The following PLA2R1 variants were observed in gnomAD, a reference collection of about 807,000 sequenced individuals.
PLA2R1 encodes phospholipase A2 receptor 1.
Under a neutral mutation model 195.9 loss-of-function variants are expected in PLA2R1, and 158 were observed. The observed-to-expected ratio is 0.81, with a 90% CI of 0.71 to 0.92. The LOEUF is 0.92. Ranked by LOEUF, PLA2R1 falls within the 40% of genes least tolerant of loss-of-function variation. PLA2R1 has a pLI of 0.00. For synonymous variants in PLA2R1, 586 were observed against 598.2 expected, an observed-to-expected ratio of 0.98 and a Z score of 0.30; for missense variants, 1,626 against 1,764.6, an observed-to-expected ratio of 0.92 and a Z score of 1.41.
intron 10 of PLA2R1, among the ~76,000 whole-genome samples, 194 bp downstream of exon 10, chr2:160,013,069 T>A (rs1692473947): frequency 2.6e-5 from 4 of 152,212 alleles, no homozygotes; most frequent in Admixed American, 2.6e-4. Flanking sequence ...ATTTTATTAT[T>A]TATTACTCAA....
intron 12 of PLA2R1, among the ~76,000 whole-genome samples, chr2:159,985,882 G>A (rs1690290615): frequency 6.6e-6 from 1 of 152,058 alleles, no homozygotes; most frequent in African/African-American, 2.4e-5. Context: ...AGTGTACCAA[G>A]AGTGCAACGT....
At chr2:160,017,603 T>G (rs960858336) in intron 8 of PLA2R1, among the ~76,000 whole-genome samples, 1 of 152,220 alleles carries the variant, frequency 6.6e-6, no homozygotes, top group African/African-American at 2.4e-5. Flanking sequence ...CCTCTTTATA[T>G]GCTAGGCAGA....
intron 25 of PLA2R1, among the ~76,000 whole-genome samples, chr2:159,949,099 T>C (rs1687565772): frequency 6.6e-6 from 1 of 152,192 alleles, no homozygotes; most frequent in African/African-American, 2.4e-5. Context: ...TGGAATCCTA[T>C]CAATCTTTTA....
chr2:159,968,916 G>A (rs1253482762), intron 19 of PLA2R1, among the ~76,000 whole-genome samples: 1 of 152,150 alleles, frequency 6.6e-6, no homozygotes, highest in Non-Finnish European at 1.5e-5. Flanking sequence ...TTGGATATAG[G>A]AATAGATTTT....
intron 12 of PLA2R1, among the ~76,000 whole-genome samples, chr2:159,985,091 C>T (rs1477270962): frequency 6.6e-6 from 1 of 152,208 alleles, no homozygotes; most frequent in African/African-American, 2.4e-5. Context: ...AGAAAAGGCA[C>T]CAGACCAGAA....
chr2:159,964,727 T>C (rs1469280977), intron 20 of PLA2R1, among the ~76,000 whole-genome samples: 4 of 151,976 alleles, frequency 2.6e-5, no homozygotes, highest in Non-Finnish European at 4.4e-5. Context: ...AATTATTAAA[T>C]ACTTCATTTT....
In PLA2R1 at chr2:160,039,367, C is replaced by CTG. The variant is rs1319538084; in HGVS notation, c.667+2656_667+2657dup. Among the ~76,000 whole-genome samples the CTG allele has an allele frequency of 7.9e-5, 12 of 152,260 alleles. No individual in the cohort carries two copies. The South Asian group carries it at 1.7e-3, about 21-fold the overall frequency. ...CCTCTAAACAAACCCAGAGAGATTCCTGTGTGTCATCCTTTTTGCTGAAGA... is the reference window on the plus strand; with the variant it reads ...CCTCTAAACAAACCCAGAGAGATTCCTGTGTGTGTCATCCTTTTTGCTGAAGA... On this transcript the variant is annotated intron_variant, in intron 3 of 29. Transcript: ENST00000283243.
At position 160,031,393 on chromosome 2, in the gene PLA2R1, G is replaced by A. The variant is rs1047751642; in HGVS notation, c.841+1566C>T. The stretch of plus-strand genomic sequence containing the variant: ...GATGTAGATCTATATTTACAGATAC[G>A]GGCAAATGTTCATTAAATGCAGGTA... On this transcript the variant is annotated intron_variant, in intron 4 of 29. Coordinates refer to ENST00000283243, the MANE Select transcript of PLA2R1 (RefSeq NM_007366.5). Among the ~76,000 whole-genome samples the A allele has an allele frequency of 2.6e-5, 4 of 151,502 alleles. No homozygotes were observed. The South Asian group carries it at 8.4e-4, about 32-fold the overall frequency.
At position 159,983,944 on chromosome 2, in the gene PLA2R1, G is replaced by T; in HGVS notation, c.2167C>A (p.His723Asn). 5.7e-6 allele frequency: 9 copies of T among 1,579,818 alleles called. No individual in the cohort carries two copies. Among genetic ancestry groups the T allele is most frequent in the South Asian group, 1.1e-5 (1 of 88,984 alleles). ...AGTATTTACCAATTAAATTTTGAAT[G>T]TAAGAGCTCATTCACAAAATTCTCT... The part of the protein sequence containing the change: ...EEENFVNELL[H>N]SKFNWTEERQ... The change falls in exon 13 of 30, where the codon CAT (histidine) becomes AAT (asparagine). Residue 723 changes from histidine to asparagine, a missense_variant. By Grantham distance (68) the His-to-Asn change is moderately conservative. Coordinates refer to ENST00000283243, the MANE Select transcript of PLA2R1 (RefSeq NM_007366.5).
chr2:159,926,021 A>G, the PLA2R1 span, among the ~76,000 whole-genome samples: 1 of 152,194 alleles, frequency 6.6e-6, no homozygotes, highest in Admixed American at 6.5e-5. Flanking sequence ...TACTCTATGA[A>G]TTAATACTTC....
chr2:160,036,916 T>C (rs1461359070), intron 3 of PLA2R1, among the ~76,000 whole-genome samples: 1 of 152,224 alleles, frequency 6.6e-6, no homozygotes, highest in African/African-American at 2.4e-5. Flanking sequence ...TGGCGAATTC[T>C]TCTTTTAGTC....
intron 3 of PLA2R1, among the ~76,000 whole-genome samples, chr2:160,037,440 T>TC (rs1430096913): frequency 6.6e-6 from 1 of 151,876 alleles, no homozygotes; most frequent in Non-Finnish European, 1.5e-5. Flanking sequence ...ATAACCTCTT[T>TC]CCCCCCTCAA....
chr2:159,968,232 C>CT (rs56771818), intron 19 of PLA2R1, among the ~76,000 whole-genome samples: 2,599 of 142,360 alleles, frequency 0.018, 70 homozygotes, highest in African/African-American at 0.058. Context: ...AAACTAACTG[C>CT]TTTTTTTTTT....
the PLA2R1 span, among the ~76,000 whole-genome samples, chr2:159,924,264 A>T: frequency 6.6e-6 from 1 of 152,226 alleles, no homozygotes; most frequent in South Asian, 2.1e-4. Context: ...TGGGTAATGC[A>T]GGATGATTTC....
At chr2:160,023,453 A>G (rs1693278259) in intron 6 of PLA2R1, among the ~76,000 whole-genome samples, 1 of 152,192 alleles carries the variant, frequency 6.6e-6, no homozygotes, top group Non-Finnish European at 1.5e-5. Flanking sequence ...ATGACAGTTT[A>G]CAAGCTGTGG....
chr2:159,977,719 C>T (rs1264874172), intron 14 of PLA2R1, among the ~76,000 whole-genome samples: 6 of 152,122 alleles, frequency 3.9e-5, no homozygotes, highest in Admixed American at 1.3e-4. Flanking sequence ...GGGCAGATCA[C>T]AAGCTCAGGA....
chr2:159,926,441 A>G, the PLA2R1 span, among the ~76,000 whole-genome samples: 81 of 152,314 alleles, frequency 5.3e-4, no homozygotes, highest in Middle Eastern at 0.01. Context: ...TAGATCAAGA[A>G]TGGCTTACTT....
chr2:160,062,491 G>T lies in PLA2R1; in HGVS notation c.-88C>A. 2.1e-6 allele frequency: 3 copies of T among 1,431,600 alleles called. No individual in the cohort carries two copies. Among genetic ancestry groups the T allele is most frequent in the Non-Finnish European group, 1.8e-6 (2 of 1,097,398 alleles). 88.7% of individuals were successfully genotyped at this position (1,431,600 alleles called of 1,614,324 possible). A position where few individuals can be genotyped will look rare whatever the true frequency, so the allele number is the denominator to read the frequency against. On this transcript the variant is annotated 5_prime_UTR_variant, in exon 1 of 30. Transcript: ENST00000283243. ...AGCCGCGTCCCAAGCACCCGGCCCC[G>T]CCGCGCGGAAGCGGATCCGTAGCCT...
rs145203264 is a variant in PLA2R1, at chr2:160,050,017, C to A, written c.110-4860G>T. ...GAGCTAATGCATGTGGGCTTAATAC[C>A]TAGATGATGGGATGACAGGTGCAGG... is the stretch of plus-strand genomic sequence containing the variant. On this transcript the variant is annotated intron_variant, in intron 1 of 29. Coordinates refer to ENST00000283243, the MANE Select transcript of PLA2R1 (RefSeq NM_007366.5). Among the ~76,000 whole-genome samples, 623 of 152,146 alleles carry A rather than the reference C, an allele frequency of 4.1e-3. 6 individuals are homozygous for A. The highest frequency in any genetic ancestry group is 0.014 in the African/African-American group (588 of 41,498).
Sources: allele counts gnomAD v4.1 joint callset (sites outside exome capture counted in the v4.1 genomes callset), GRCh38; gene constraint gnomAD v4.1.1; transcripts MANE v1.5; gene names NCBI Gene and HGNC (gene_info 2026-07-23, HGNC 2026-07-21).